Variants in CACNA1E observed in about 807,000 individuals in gnomAD.
CACNA1E encodes voltage-dependent R-type calcium channel subunit alpha-1E.
In CACNA1E, 40 loss-of-function variants were observed where a neutral mutation model predicts 259.2. The observed-to-expected ratio is 0.15, with a 90% confidence interval of 0.12 to 0.20. The LOEUF (loss-of-function observed/expected upper bound fraction) is 0.20, where lower values mean the gene tolerates loss of function less well. CACNA1E is among the 10% of genes least tolerant of loss of function. The pLI is 1.00. For missense variants in CACNA1E, 1,874 were observed against 3,040.1 expected (o/e 0.62, Z 9.02); for synonymous variants, 1,104 against 1,138.5 (o/e 0.97, Z 0.61).
At position 181,803,984 on chromosome 1, in the gene CACNA1E, A is replaced by C. The variant is rs1314646290; in HGVS notation, c.*5150A>C. ...TTTCTTCCACCCACCCTCTCTCCGC[A>C]TGCTGTAAGTTAGGGGAGTTAGTAT... On this transcript the variant is annotated 3_prime_UTR_variant, in exon 48 of 48. Coordinates refer to ENST00000367573, the MANE Select transcript of CACNA1E (RefSeq NM_001205293.3). 6.6e-6 allele frequency: 1 copy of C among 152,214 alleles called. No individual in the cohort carries two copies. The highest frequency in any genetic ancestry group is 2.4e-5 in the African/African-American group (1 of 41,450). 9.4% of individuals were successfully genotyped at this position (152,214 alleles called of 1,614,324 possible). A position where few individuals can be genotyped will look rare whatever the true frequency, so the allele number is the denominator to read the frequency against.
chr1:181,703,074 A>T (rs1652435230), intron 7 of CACNA1E, among the ~76,000 whole-genome samples: 1 of 152,214 alleles, frequency 6.6e-6, no homozygotes, highest in African/African-American at 2.4e-5. Context: ...CTGAGATTAC[A>T]GGTGCATACC....
At chr1:181,374,691 G>A (rs182997731) in intron 1 of CACNA1E, among the ~76,000 whole-genome samples, 75 of 151,982 alleles carry the variant, frequency 4.9e-4, no homozygotes, top group Non-Finnish European at 7.6e-4. Flanking sequence ...GGTCTTGAAC[G>A]CCTGAGCTCA....
intron 1 of CACNA1E, among the ~76,000 whole-genome samples, chr1:181,494,316 G>GT (rs80037910): frequency 0.039 from 5,349 of 136,304 alleles, 196 homozygotes; most frequent in African/African-American, 0.096. Flanking sequence ...TTAAAGTGGT[G>GT]TTTTTTTTTT....
In CACNA1E at chr1:181,755,329, A is replaced by G. The variant is rs1657995046; in HGVS notation, c.3921A>G (p.Ala1307=). The change falls in exon 28 of 48, where the codon GCA becomes GCG. Residue 1307 remains alanine (A), a synonymous_variant. Coordinates refer to ENST00000367573, the MANE Select transcript of CACNA1E (RefSeq NM_001205293.3). ...KLFMFIFAVI[A]VQLFKGKFFY... is the part of the protein sequence containing the mutation. ...TCATGTTCATCTTTGCTGTCATCGCAGTTCAGCTCTTCAAGGGAAAGTTCT... is the reference window on the plus strand; with the variant it reads ...TCATGTTCATCTTTGCTGTCATCGCGGTTCAGCTCTTCAAGGGAAAGTTCT... 2 of 1,613,878 alleles carry G rather than the reference A, an allele frequency of 1.2e-6. No individual in the cohort carries two copies. Among genetic ancestry groups the G allele is most frequent in the African/African-American group, 2.7e-5 (2 of 75,048 alleles).
chr1:181,483,547 G>T lies in CACNA1E; in HGVS notation c.-198G>T, dbSNP rs1663492914. On this transcript the variant is annotated 5_prime_UTR_variant, in exon 1 of 48. Coordinates refer to ENST00000367573, the MANE Select transcript of CACNA1E (RefSeq NM_001205293.3). Reference sequence around the variant, plus strand: ...TGAGGAATGGAGCTTCGCAGAGGTTGCATTTAGATTCAACAGTTCACAGCG... The same window carrying T: ...TGAGGAATGGAGCTTCGCAGAGGTTTCATTTAGATTCAACAGTTCACAGCG... 2 of 337,572 alleles carry T rather than the reference G, an allele frequency of 5.9e-6. No individual in the cohort carries two copies. Among genetic ancestry groups the T allele is most frequent in the African/African-American group, 2.3e-5 (1 of 44,378 alleles). 20.9% of individuals were successfully genotyped at this position (337,572 alleles called of 1,614,324 possible). A position where few individuals can be genotyped will look rare whatever the true frequency, so the allele number is the denominator to read the frequency against.
Position 181,623,780 on chromosome 1 carries a change from T to A in CACNA1E, c.952-27558T>A, listed in dbSNP as rs114937716. Among the ~76,000 whole-genome samples, 1,195 of 152,350 alleles carry A rather than the reference T, an allele frequency of 7.8e-3. 16 individuals carry two copies. The highest frequency in any genetic ancestry group is 0.027 in the African/African-American group (1,141 of 41,574). On this transcript the variant is annotated intron_variant, in intron 6 of 47. Transcript: ENST00000367573. ...ATATTGCTAACAATCATCTGAGCCTTCAGAAAGTCTTAATCTTTAGCTAGT... is the reference window on the plus strand; with the variant it reads ...ATATTGCTAACAATCATCTGAGCCTACAGAAAGTCTTAATCTTTAGCTAGT...
At chr1:181,380,578 G>A (rs1181572978) in intron 1 of CACNA1E, among the ~76,000 whole-genome samples, 2 of 152,062 alleles carry the variant, frequency 1.3e-5, no homozygotes, top group African/African-American at 4.8e-5. Flanking sequence ...CAAACAAGTG[G>A]CAAATAAGCA....
chr1:181,609,337 T>C (rs1654532269), intron 6 of CACNA1E, among the ~76,000 whole-genome samples: 1 of 152,196 alleles, frequency 6.6e-6, no homozygotes, highest in South Asian at 2.1e-4. Flanking sequence ...TCCTCCTCTT[T>C]GCTCCCTTCC....
chr1:181,756,378 T>G (rs1658088390), intron 29 of CACNA1E, among the ~76,000 whole-genome samples: 1 of 152,216 alleles, frequency 6.6e-6, no homozygotes, highest in Non-Finnish European at 1.5e-5. Flanking sequence ...AAATGAGTTT[T>G]GAACAGCCCT....
Position 181,776,438 on chromosome 1 carries a change from G to A in CACNA1E, c.5267+210G>A. The A allele has an allele frequency of 1.8e-6, 1 of 545,022 alleles. No individual in the cohort carries two copies. Among genetic ancestry groups the A allele is most frequent in the East Asian group, 3.1e-5 (1 of 31,822 alleles). 33.8% of individuals were successfully genotyped at this position (545,022 alleles called of 1,614,324 possible). A position where few individuals can be genotyped will look rare whatever the true frequency, so the allele number is the denominator to read the frequency against. Reference sequence around the variant, plus strand: ...TCCTTTCCCCTCTCTTTCCTTCTGTGACAGGGTTTTCCCTTTGTGGGCTGG... The same window carrying A: ...TCCTTTCCCCTCTCTTTCCTTCTGTAACAGGGTTTTCCCTTTGTGGGCTGG... On this transcript the variant is annotated intron_variant, in intron 38 of 47. Coordinates refer to ENST00000367573, the MANE Select transcript of CACNA1E (RefSeq NM_001205293.3). This position sits in a 1 kb window ranked among gnomAD's most constrained non-coding sequence, Gnocchi z 4.4.
chr1:181,361,352 A>T (rs981574702), intron 1 of CACNA1E, among the ~76,000 whole-genome samples: 1 of 152,154 alleles, frequency 6.6e-6, no homozygotes, highest in Non-Finnish European at 1.5e-5. Context: ...ATTTAAAAAT[A>T]TTGTTCTACT....
Position 181,750,420 on chromosome 1 carries a change from T to C in CACNA1E, c.3720-56T>C, listed in dbSNP as rs1239969849. 3.2e-6 allele frequency: 5 copies of C among 1,565,384 alleles called. No homozygotes were observed. The African/African-American group carries it at 6.8e-5, about 21-fold the overall frequency. ...TTTCTTCTCTCTACCCCAACCCCATTTTTTTGTTTTGTTTTATTTTGATTT... is the reference window on the plus strand; with the variant it reads ...TTTCTTCTCTCTACCCCAACCCCATCTTTTTGTTTTGTTTTATTTTGATTT... On this transcript the variant is annotated intron_variant, in intron 25 of 47. Coordinates refer to ENST00000367573, the MANE Select transcript of CACNA1E (RefSeq NM_001205293.3).
rs1224971273 is a variant in CACNA1E at position 181,483,908 on chromosome 1, C to G, written c.164C>G (p.Pro55Arg). ...GCGCGGACTATGGCTTTGTACAACC[C>G]CATTCCCGTCCGGCAGAACTGTTTC... ...QRARTMALYN[P>R]IPVRQNCFTV... The change falls in exon 1 of 48, where the codon CCC becomes CGC. Residue 55 changes from proline (P) to arginine (R), a missense_variant. Coordinates refer to ENST00000367573, the MANE Select transcript of CACNA1E (RefSeq NM_001205293.3). 1.9e-6 allele frequency: 3 copies of G among 1,613,658 alleles called. No individual in the cohort carries two copies. The highest frequency in any genetic ancestry group is 2.5e-6 in the Non-Finnish European group (3 of 1,179,824).
At chr1:181,647,756 G>A (rs975258454) in intron 6 of CACNA1E, among the ~76,000 whole-genome samples, 2 of 152,190 alleles carry the variant, frequency 1.3e-5, no homozygotes, top group African/African-American at 4.8e-5. Context: ...AGGGAAGCAT[G>A]CATTCCTTTG....
At chr1:181,431,726 A>C (rs1456939522) in intron 2 of CACNA1E, among the ~76,000 whole-genome samples, 1 of 152,198 alleles carries the variant, frequency 6.6e-6, no homozygotes. Flanking sequence ...CTTTAGTACA[A>C]GGATTTTGAC....
chr1:181,388,320 A>C (rs1021637152), intron 1 of CACNA1E, among the ~76,000 whole-genome samples: 10 of 152,242 alleles, frequency 6.6e-5, no homozygotes, highest in Non-Finnish European at 1.2e-4. Context: ...GCTTCTAGAC[A>C]AAGAGGAAAT....
intron 2 of CACNA1E, among the ~76,000 whole-genome samples, chr1:181,418,004 A>G (rs1658413007): frequency 6.6e-6 from 1 of 152,162 alleles, no homozygotes; most frequent in Non-Finnish European, 1.5e-5. Flanking sequence ...ACCCATTCCA[A>G]TCAGGTCTTT....
chr1:181,448,458 T>C (rs1276369525), intron 2 of CACNA1E, among the ~76,000 whole-genome samples: 3 of 152,240 alleles, frequency 2.0e-5, no homozygotes, highest in African/African-American at 4.8e-5. Flanking sequence ...ATTCCAAATC[T>C]GAATGTTTCT....
chr1:181,804,816 G>A lies in CACNA1E; in HGVS notation c.*5982G>A, dbSNP rs1260419940. The A allele has an allele frequency of 6.7e-6, 1 of 150,314 alleles. No individual in the cohort carries two copies. The highest frequency in any genetic ancestry group is 1.5e-5 in the Non-Finnish European group (1 of 67,758). The allele number at this position is 150,314 out of a possible 1,614,324, so 9.3% of individuals were successfully genotyped here. ...ATTCTCAGCATTGCTATAAGCATTTGATTTTTTTTAAGGAAACTTCCTGTT... is the reference window on the plus strand; with the variant it reads ...ATTCTCAGCATTGCTATAAGCATTTAATTTTTTTTAAGGAAACTTCCTGTT... On this transcript the variant is annotated 3_prime_UTR_variant, in exon 48 of 48. Transcript: ENST00000367573.
Sources: allele counts gnomAD v4.1 joint callset (sites outside exome capture counted in the v4.1 genomes callset), GRCh38; gene constraint gnomAD v4.1.1; non-coding constraint Gnocchi (gnomAD v3.1); transcripts MANE v1.5; gene names NCBI Gene and HGNC (gene_info 2026-07-23, HGNC 2026-07-21).